The following PRMT8 variants were observed in gnomAD, a reference collection of about 807,000 sequenced individuals.
PRMT8 encodes protein arginine methyltransferase 8.
In PRMT8, 7 loss-of-function variants were observed where a neutral mutation model predicts 47.1. The observed-to-expected ratio is 0.15, with a 90% CI of 0.08 to 0.28. The LOEUF (loss-of-function observed/expected upper bound fraction) is 0.28. Ranked by LOEUF, PRMT8 falls within the 10% of genes least tolerant of loss-of-function variation. The pLI, the probability that PRMT8 is intolerant of heterozygous loss-of-function variation, is 1.00. For missense variants in PRMT8, 237 were observed against 505.4 expected (o/e 0.47, Z 5.09); for synonymous variants, 188 against 186.5 (o/e 1.01, Z -0.07).
chr12:3,390,891 G>A (rs555252963), intron 1 of PRMT8, among the ~76,000 whole-genome samples: 11 of 152,298 alleles, frequency 7.2e-5, no homozygotes, highest in South Asian at 2.1e-4. Flanking sequence ...CATAGTAGAC[G>A]CATCATTCAT....
chr12:3,589,077 C>T (rs1867242473), intron 8 of PRMT8, among the ~76,000 whole-genome samples: 1 of 152,184 alleles, frequency 6.6e-6, no homozygotes, highest in South Asian at 2.1e-4. Context: ...AATCATATAC[C>T]ACTCTAATGA....
At position 3,580,725 on chromosome 12, in the gene PRMT8, C is replaced by T. The variant is rs193110158; in HGVS notation, c.829-2333C>T. Among the ~76,000 whole-genome samples, 24 of 152,116 alleles carry T rather than the reference C, an allele frequency of 1.6e-4. No homozygotes were observed. Among genetic ancestry groups the T allele is most frequent in the Non-Finnish European group, 2.9e-4 (20 of 67,990 alleles). On this transcript the variant is annotated intron_variant, in intron 7 of 9. Transcript: ENST00000382622. The surrounding 1 kb of genome is among the most constrained non-coding windows in gnomAD (Gnocchi z 4.6). The stretch of plus-strand genomic sequence containing the variant: ...TTGGAAGGCCATGCTACACTGGTGA[C>T]GGAGGGAACCAAGAAAGAAAGATAC...
chr12:3,382,999 CA>C (rs1488704299), intron 1 of PRMT8, among the ~76,000 whole-genome samples: 2 of 152,200 alleles, frequency 1.3e-5, no homozygotes, highest in East Asian at 3.9e-4. Flanking sequence ...GTAGCTTTTC[CA>C]AAAAATCACT....
At chr12:3,424,683 A>G (rs1454574556) in intron 1 of PRMT8, among the ~76,000 whole-genome samples, 5 of 152,170 alleles carry the variant, frequency 3.3e-5, no homozygotes, top group Non-Finnish European at 5.9e-5. Context: ...CACACTGGCC[A>G]GTTGTTTCCT....
At chr12:3,394,216 T>C (rs1281437841) in intron 1 of PRMT8, among the ~76,000 whole-genome samples, 1 of 151,684 alleles carries the variant, frequency 6.6e-6, no homozygotes, top group East Asian at 1.9e-4. Flanking sequence ...TTCTCCTGCC[T>C]AATTGCCCTG....
chr12:3,447,492 G>T (rs936292605), intron 1 of PRMT8, among the ~76,000 whole-genome samples: 1 of 151,904 alleles, frequency 6.6e-6, no homozygotes, highest in African/African-American at 2.4e-5. Context: ...CCCCTCTCCC[G>T]CAGTGCCTCT....
chr12:3,551,873 A>G (rs779143629), intron 3 of PRMT8: 4 of 152,510 alleles, frequency 2.6e-5, no homozygotes, highest in Non-Finnish European at 5.9e-5. Context: ...CAGATGTGAC[A>G]AGAGCAATGG....
At chr12:3,470,228 C>T (rs1475796720) in intron 1 of PRMT8, among the ~76,000 whole-genome samples, 1 of 152,204 alleles carries the variant, frequency 6.6e-6, no homozygotes, top group African/African-American at 2.4e-5. Context: ...TCCCCATAGT[C>T]CTCAGGATCC....
In PRMT8 at chr12:3,410,530, A is replaced by G. The variant is rs2137055678; in HGVS notation, c.48+29088A>G. ...CTGTTTGTTTGTTTGTTTTTTTGAG[A>G]CGGAGTCTTGCTCTGTCGCCCAGGC... On this transcript the variant is annotated intron_variant, in intron 1 of 9. Coordinates refer to the PRMT8 transcript ENST00000452611. Among the ~76,000 whole-genome samples the G allele has an allele frequency of 1.3e-5, 2 of 151,860 alleles. 1 individual carries two copies. The highest frequency in any genetic ancestry group is 3.9e-4 in the East Asian group (2 of 5,160).
At chr12:3,530,526 G>A (rs1173233703) in intron 1 of PRMT8, among the ~76,000 whole-genome samples, 1 of 152,194 alleles carries the variant, frequency 6.6e-6, no homozygotes, top group African/African-American at 2.4e-5. Flanking sequence ...CAAAATAGGA[G>A]CAGGAGAGAC....
At chr12:3,458,165 G>A (rs997124872) in intron 1 of PRMT8, among the ~76,000 whole-genome samples, 3 of 152,210 alleles carry the variant, frequency 2.0e-5, no homozygotes, top group Non-Finnish European at 2.9e-5. Context: ...CCGCTATTCA[G>A]CAGTGTTTTA....
intron 1 of PRMT8, among the ~76,000 whole-genome samples, chr12:3,386,392 A>G (rs78720573): frequency 0.024 from 3,684 of 152,348 alleles, 145 homozygotes; most frequent in African/African-American, 0.078. Flanking sequence ...ATTATTTATT[A>G]CATTATGCCG....
At chr12:3,558,239 C>T (rs1258638881) in intron 4 of PRMT8, among the ~76,000 whole-genome samples, 1 of 152,086 alleles carries the variant, frequency 6.6e-6, no homozygotes, top group Non-Finnish European at 1.5e-5. Flanking sequence ...CCCTTCCTCC[C>T]CTTCCTCCCC....
At chr12:3,582,547 G>A (rs937126757) in intron 7 of PRMT8, among the ~76,000 whole-genome samples, 2 of 152,128 alleles carry the variant, frequency 1.3e-5, no homozygotes, top group Non-Finnish European at 2.9e-5. Flanking sequence ...GAGTAGTCTG[G>A]TTCATCTACA....
chr12:3,581,170 C>T (rs1198831259), intron 7 of PRMT8, among the ~76,000 whole-genome samples: 3 of 152,232 alleles, frequency 2.0e-5, no homozygotes, highest in African/African-American at 4.8e-5. Flanking sequence ...CAGTATAACT[C>T]TCAGTTTTGC....
At position 3,570,108 on chromosome 12, in the gene PRMT8, G is replaced by A. The variant is rs140818294; in HGVS notation, c.712+544G>A. The stretch of plus-strand genomic sequence containing the variant: ...GAGATTTTGCTTTGAACAATCAAAC[G>A]AAAGGCGAGTGTGCATGTGTGCATG... On this transcript the variant is annotated intron_variant, in intron 6 of 9. Transcript: ENST00000382622. This position sits in a 1 kb window ranked among gnomAD's most constrained non-coding sequence, Gnocchi z 5.5. Among the ~76,000 whole-genome samples the A allele has an allele frequency of 5.7e-3, 865 of 152,044 alleles. 5 individuals are homozygous for A. The highest frequency in any genetic ancestry group is 9.2e-3 in the Non-Finnish European group (628 of 67,968).
At chr12:3,396,374 C>T (rs1175905332) in intron 1 of PRMT8, among the ~76,000 whole-genome samples, 26 of 152,164 alleles carry the variant, frequency 1.7e-4, no homozygotes, top group African/African-American at 5.1e-4. Flanking sequence ...CCATGTTTAG[C>T]GCTTCCTTCA....
rs191168494 is a variant in PRMT8 at position 3,562,340 on chromosome 12, G to A, written c.482-6366G>A. ...GTGAGTTTCATGTATTCATCCTTTC[G>A]AGTATTATTGAGCCACGTACTAGGT... On this transcript the variant is annotated intron_variant, in intron 4 of 9. Transcript: ENST00000382622. Among the ~76,000 whole-genome samples, 378 of 151,934 alleles carry A rather than the reference G, an allele frequency of 2.5e-3. 1 individual carries two copies. Among genetic ancestry groups the A allele is most frequent in the Non-Finnish European group, 4.2e-3 (283 of 67,984 alleles).
At position 3,420,057 on chromosome 12, in the gene PRMT8, GAGA is replaced by G. The variant is rs1263033412; in HGVS notation, c.48+38616_48+38618del. On this transcript the variant is annotated intron_variant, in intron 1 of 9. Coordinates refer to the PRMT8 transcript ENST00000452611. ...AGACAGAGAGAGAGAGAGAGAGAGA[GAGA>G]GAGAAGGGCTGAGCCTGGCTGTACT... Among the ~76,000 whole-genome samples, 445 of 150,384 alleles carry G rather than the reference GAGA, an allele frequency of 3.0e-3. 3 individuals are homozygous for G. The highest frequency in any genetic ancestry group is 8.0e-3 in the South Asian group (38 of 4,734).
Sources: gnomAD v4.1 joint callset for allele counts (sites outside exome capture counted in the v4.1 genomes callset) on GRCh38, gnomAD v4.1.1 for gene constraint, Gnocchi (gnomAD v3.1) non-coding constraint, MANE v1.5 for transcripts, NCBI Gene and HGNC (gene_info 2026-07-23, HGNC 2026-07-21) for gene names.